The following LYPLAL1 variants were observed in gnomAD, a reference collection of about 807,000 sequenced individuals.
The protein encoded by LYPLAL1 is lysophospholipase-like protein 1.
LYPLAL1 carries 23 observed loss-of-function variants against 19.7 expected under a neutral mutation model. The observed-to-expected ratio is 1.17, with a 90% CI of 0.84 to 1.65. The LOEUF (loss-of-function observed/expected upper bound fraction) is 1.65. Ranked by LOEUF, LYPLAL1 falls within the 40% of genes most tolerant of loss-of-function variation. The probability of loss-of-function intolerance (pLI) is 0.00; values close to 1 mark genes in which losing one functional copy is unlikely to be tolerated. For missense variants in LYPLAL1, 355 were observed against 279.4 expected (o/e 1.27, Z -1.93); for synonymous variants, 119 against 96.3 (o/e 1.24, Z -1.38).
At chr1:219,268,633 T>C in the LYPLAL1 span, among the ~76,000 whole-genome samples, 1 of 70,012 alleles carries the variant, frequency 1.4e-5, no homozygotes, top group Non-Finnish European at 3.5e-5. Flanking sequence ...TTCTGATAAA[T>C]AAAAAACAAG....
At chr1:219,364,321 T>C in the LYPLAL1 span, among the ~76,000 whole-genome samples, 5 of 152,152 alleles carry the variant, frequency 3.3e-5, no homozygotes, top group Non-Finnish European at 7.4e-5. Flanking sequence ...CTGTTACTTG[T>C]AGTCAAAATC....
chr1:219,413,743 C>G, the LYPLAL1 span, among the ~76,000 whole-genome samples: 4 of 152,316 alleles, frequency 2.6e-5, no homozygotes, highest in African/African-American at 9.6e-5. Flanking sequence ...GCTCACAATT[C>G]TCACATTCAT....
intron 3 of LYPLAL1, among the ~76,000 whole-genome samples, chr1:219,201,308 T>C (rs1658078579): frequency 6.6e-6 from 1 of 151,834 alleles, no homozygotes; most frequent in African/African-American, 2.4e-5. Flanking sequence ...TTTCTACTGG[T>C]TTTTCTAGTG....
At chr1:219,175,706 A>G (rs1454527170) in intron 1 of LYPLAL1, among the ~76,000 whole-genome samples, 1 of 152,220 alleles carries the variant, frequency 6.6e-6, no homozygotes, top group Non-Finnish European at 1.5e-5. Flanking sequence ...ATCTCCACTG[A>G]AGTAAATAAA....
chr1:219,349,088 C>G, the LYPLAL1 span, among the ~76,000 whole-genome samples: 1 of 152,316 alleles, frequency 6.6e-6, no homozygotes, highest in South Asian at 2.1e-4. Flanking sequence ...GGTTACGTAA[C>G]TTGCTCAACA....
At chr1:219,185,716 C>T (rs897052253) in intron 2 of LYPLAL1, among the ~76,000 whole-genome samples, 4 of 151,888 alleles carry the variant, frequency 2.6e-5, no homozygotes, top group African/African-American at 9.7e-5. Flanking sequence ...TCTGAAGGCT[C>T]ACTCACATAT....
At chr1:219,190,059 CTT>C (rs1657021726) in intron 2 of LYPLAL1, among the ~76,000 whole-genome samples, 1 of 151,508 alleles carries the variant, frequency 6.6e-6, no homozygotes, top group Non-Finnish European at 1.5e-5. Context: ...TAGAAACTAA[CTT>C]AATAGATAAA....
At chr1:219,340,200 C>T in the LYPLAL1 span, among the ~76,000 whole-genome samples, 1 of 151,946 alleles carries the variant, frequency 6.6e-6, no homozygotes, top group Non-Finnish European at 1.5e-5. Context: ...TGGGTATCAA[C>T]AAAGTGATGG....
At chr1:219,184,530 A>G (rs1656566238) in intron 2 of LYPLAL1, among the ~76,000 whole-genome samples, 1 of 151,876 alleles carries the variant, frequency 6.6e-6, no homozygotes, top group Non-Finnish European at 1.5e-5. Flanking sequence ...TTCCTGTGTA[A>G]TCTTAGAGGG....
chr1:219,400,920 C>T, the LYPLAL1 span, among the ~76,000 whole-genome samples: 1 of 152,162 alleles, frequency 6.6e-6, no homozygotes, highest in Non-Finnish European at 1.5e-5. Context: ...CACACCATCT[C>T]TTTATTTTTC....
chr1:219,300,349 G>T, the LYPLAL1 span, among the ~76,000 whole-genome samples: 6 of 151,804 alleles, frequency 4.0e-5, no homozygotes, highest in African/African-American at 1.5e-4. Context: ...ATCTTTTGGG[G>T]CATTTACATG....
At chr1:219,315,896 G>A in the LYPLAL1 span, among the ~76,000 whole-genome samples, 3 of 152,094 alleles carry the variant, frequency 2.0e-5, no homozygotes, top group Non-Finnish European at 2.9e-5. Context: ...ATTCTTTATT[G>A]TATTTCAGAA....
the LYPLAL1 span, among the ~76,000 whole-genome samples, chr1:219,439,908 A>G: frequency 6.7e-6 from 1 of 150,068 alleles, no homozygotes. Context: ...GCTTTATGGC[A>G]TAATCACACA....
the LYPLAL1 span, among the ~76,000 whole-genome samples, chr1:219,405,765 G>A: frequency 6.6e-6 from 1 of 152,192 alleles, no homozygotes; most frequent in African/African-American, 2.4e-5. Context: ...TGCAAAGGCA[G>A]CATCAAAGAC....
the LYPLAL1 span, among the ~76,000 whole-genome samples, chr1:219,308,350 C>A: frequency 1.6e-4 from 25 of 152,246 alleles, no homozygotes; most frequent in African/African-American, 5.8e-4. Context: ...AAGAAAATCC[C>A]ATTTTATGAG....
rs562438760 is a variant in LYPLAL1, at chr1:219,211,703, C to T, written c.689C>T (p.Pro230Leu). The T allele has an allele frequency of 1.1e-5, 17 of 1,605,912 alleles. No individual in the cohort carries two copies. In the East Asian group the frequency reaches 2.9e-4, roughly 27 times the overall value. ...ILKLWILTKLPGEMEKQK is the reference protein window; with the variant it reads ...ILKLWILTKLLGEMEKQK Reference sequence around the variant, plus strand: ...AAGTTATGGATTCTTACAAAGCTGCCAGGAGAAATGGAAAAACAAAAATGA... The same window carrying T: ...AAGTTATGGATTCTTACAAAGCTGCTAGGAGAAATGGAAAAACAAAAATGA... The change falls in exon 5 of 5, where the codon CCA becomes CTA. Residue 230 changes from proline (P) to leucine (L), a missense_variant. Pro to Leu is a moderately conservative substitution (Grantham distance 98). Transcript: ENST00000366928.
chr1:219,380,766 A>G, the LYPLAL1 span, among the ~76,000 whole-genome samples: 1 of 152,188 alleles, frequency 6.6e-6, no homozygotes, highest in Non-Finnish European at 1.5e-5. Flanking sequence ...CAAACTTTTT[A>G]TATAAAAGAC....
chr1:219,441,292 A>G, the LYPLAL1 span, among the ~76,000 whole-genome samples: 1 of 152,308 alleles, frequency 6.6e-6, no homozygotes, highest in East Asian at 1.9e-4. Flanking sequence ...AGGAACTATC[A>G]TTAGGTAGGA....
chr1:219,228,538 G>GT, the LYPLAL1 span, among the ~76,000 whole-genome samples: 1 of 151,758 alleles, frequency 6.6e-6, no homozygotes, highest in East Asian at 1.9e-4. Flanking sequence ...TTATTATTTT[G>GT]TTTACTACGA....
Sources: allele counts gnomAD v4.1 joint callset (sites outside exome capture counted in the v4.1 genomes callset), GRCh38; gene constraint gnomAD v4.1.1; transcripts MANE v1.5; gene names NCBI Gene and HGNC (gene_info 2026-07-23, HGNC 2026-07-21).